Variants in CUBN observed in about 807,000 individuals in gnomAD.
CUBN encodes 460 kDa receptor.
A neutral mutation model predicts 405.3 loss-of-function variants in CUBN; 282 were observed. The observed-to-expected ratio is 0.70, with a 90% CI of 0.63 to 0.77. The LOEUF (loss-of-function observed/expected upper bound fraction) is 0.77, where lower values mean the gene tolerates loss of function less well. Ranked by LOEUF, CUBN falls within the 30% of genes least tolerant of loss-of-function variation. CUBN has a pLI of 0.00. For missense variants in CUBN, 4,514 were observed against 4,475.2 expected, an observed-to-expected ratio of 1.01 and a Z score of -0.25; for synonymous variants, 1,684 against 1,617.0, an observed-to-expected ratio of 1.04 and a Z score of -0.99.
chr10:16,990,706 A>C (rs1053603593), intron 28 of CUBN, among the ~76,000 whole-genome samples, 191 bp from the exon 29 acceptor site: 1 of 152,256 alleles, frequency 6.6e-6, no homozygotes, highest in African/African-American at 2.4e-5. Context: ...ACAACTTATT[A>C]AGTTTATCCT....
chr10:17,122,595 G>A (rs912799281), intron 6 of CUBN, 200 bp downstream of exon 6: 9 of 631,724 alleles, frequency 1.4e-5, no homozygotes, highest in Non-Finnish European at 2.7e-5. Context: ...TCTTCACGGG[G>A]TGAGAGTAAA....
At chr10:17,045,259 T>G in intron 24 of CUBN, 71 bp from the exon 25 acceptor site, 1 of 1,426,414 alleles carries the variant, frequency 7.0e-7, no homozygotes, top group Admixed American at 1.8e-5. Flanking sequence ...TTGTCTGCAT[T>G]AAACTGGTGC....
intron 41 of CUBN, among the ~76,000 whole-genome samples, chr10:16,926,493 G>C (rs1257897464): frequency 6.6e-6 from 1 of 152,104 alleles, no homozygotes; most frequent in Non-Finnish European, 1.5e-5. Context: ...GGAAGGACAG[G>C]AGCAGAGTGT....
chr10:17,025,287 A>G (rs1318441377), intron 27 of CUBN, among the ~76,000 whole-genome samples: 1 of 152,202 alleles, frequency 6.6e-6, no homozygotes, highest in Non-Finnish European at 1.5e-5. Context: ...GAGTGTCACT[A>G]ATAGAAGATT....
In CUBN at chr10:16,924,833, A is replaced by G. The variant is rs188736043; in HGVS notation, c.6646+408T>C. Among the ~76,000 whole-genome samples, 183 of 152,266 alleles carry G rather than the reference A, an allele frequency of 1.2e-3. 1 individual carries two copies. The highest frequency in any genetic ancestry group is 4.2e-3 in the African/African-American group (175 of 41,584). ...CAAAAAATTATGTGTTCTTTTGAAA[A>G]CAGCATACAAATTATTACAAAATAA... On this transcript the variant is annotated intron_variant, in intron 43 of 66. Coordinates refer to ENST00000377833, the MANE Select transcript of CUBN (RefSeq NM_001081.4).
In CUBN at chr10:16,954,561, A is replaced by T. The variant is rs1448819690; in HGVS notation, c.4696-13T>A. The T allele has an allele frequency of 6.2e-7, 1 of 1,612,726 alleles. No individual in the cohort carries two copies. On this transcript the variant is annotated splice_polypyrimidine_tract_variant and intron_variant, in intron 31 of 66. Transcript: ENST00000377833. ...AGCCATCGTATGCCTACAAGAAAGGAGACAGGGCAAACAGTGGTTCAGATT... is the reference window on the plus strand; with the variant it reads ...AGCCATCGTATGCCTACAAGAAAGGTGACAGGGCAAACAGTGGTTCAGATT...
At position 17,049,858 on chromosome 10, in the gene CUBN, A is replaced by G. The variant is rs78340863; in HGVS notation, c.3140-2255T>C. Among the ~76,000 whole-genome samples, 634 of 152,346 alleles carry G rather than the reference A, an allele frequency of 4.2e-3. 7 individuals carry two copies. The highest frequency in any genetic ancestry group is 0.015 in the African/African-American group (612 of 41,578). On this transcript the variant is annotated intron_variant, in intron 22 of 66. Coordinates refer to ENST00000377833, the MANE Select transcript of CUBN (RefSeq NM_001081.4). ...AAAATTTTATGCAAATAGCAATTTG[A>G]ACCCCAAACATATTTTGTAATTGTT... is the stretch of plus-strand genomic sequence containing the variant.
At chr10:16,872,192 A>G (rs184224382) in intron 58 of CUBN, among the ~76,000 whole-genome samples, 1 of 152,268 alleles carries the variant, frequency 6.6e-6, no homozygotes, top group Admixed American at 6.5e-5. Context: ...GTGAGCTGAG[A>G]TCACGCCACT....
In CUBN at chr10:16,918,610, A is replaced by T; in HGVS notation, c.7000+12T>A. 6.2e-7 allele frequency: 1 copy of T among 1,608,984 alleles called. No individual in the cohort carries two copies. The highest frequency in any genetic ancestry group is 8.5e-7 in the Non-Finnish European group (1 of 1,176,568). On this transcript the variant is annotated intron_variant, in intron 45 of 66. Coordinates refer to ENST00000377833, the MANE Select transcript of CUBN (RefSeq NM_001081.4). ...CCTGAACCTAAAATAAAAGTTTTAA[A>T]AAAATTATTACCTATAGAATACTTG...
intron 56 of CUBN, among the ~76,000 whole-genome samples, chr10:16,884,585 AAGTT>A (rs1840758461): frequency 6.6e-6 from 1 of 152,178 alleles, no homozygotes; most frequent in African/African-American, 2.4e-5. Context: ...AGTAATGAGA[AAGTT>A]AGAGAAATTT....
intron 17 of CUBN, among the ~76,000 whole-genome samples, chr10:17,076,482 CA>C (rs79168650): frequency 0.061 from 8,414 of 137,548 alleles, 283 homozygotes; most frequent in South Asian, 0.21. Context: ...GCACCCCCAC[CA>C]AAAAAAAAAA....
At chr10:17,062,667 T>C (rs1835527536) in intron 22 of CUBN, among the ~76,000 whole-genome samples, 1 of 152,184 alleles carries the variant, frequency 6.6e-6, no homozygotes, top group Admixed American at 6.5e-5. Flanking sequence ...CAAACACATA[T>C]TTTGGGGCTG....
intron 59 of CUBN, 43 bp downstream of exon 59, chr10:16,869,593 G>A (rs767864954): frequency 1.5e-6 from 2 of 1,357,188 alleles, no homozygotes; most frequent in African/African-American, 2.9e-5. Context: ...AAGCAGAAAG[G>A]TAACAGTCCT....
Position 16,906,405 on chromosome 10 carries a change from A to C in CUBN, c.7710T>G (p.Cys2570Trp). 6.2e-7 allele frequency: 1 copy of C among 1,611,020 alleles called. No individual in the cohort carries two copies. Among genetic ancestry groups the C allele is most frequent in the Non-Finnish European group, 8.5e-7 (1 of 1,177,196 alleles). ...ASYTSSEDAVCGGSLPNTPEG... is the reference protein window; with the variant it reads ...ASYTSSEDAVWGGSLPNTPEG... ...CAGGAGTATTTGGAAGAGACCCACC[A>C]CACACTAAGAAAACAGAAGGCAACA... The change falls in exon 50 of 67, where the codon TGT becomes TGG. Residue 2570 changes from cysteine to tryptophan, a missense_variant. By Grantham distance (215) the Cys-to-Trp change is radical. Transcript: ENST00000377833.
At chr10:16,908,713 AT>A (rs1377922922) in intron 48 of CUBN, among the ~76,000 whole-genome samples, 1 of 152,216 alleles carries the variant, frequency 6.6e-6, no homozygotes. Context: ...TTCAAAAAAA[AT>A]CTAGATGAAA....
chr10:16,922,321 G>A (rs986298202), intron 43 of CUBN, among the ~76,000 whole-genome samples: 1 of 152,040 alleles, frequency 6.6e-6, no homozygotes, highest in African/African-American at 2.4e-5. Context: ...ACTCAATCCT[G>A]TATTTATAAT....
intron 28 of CUBN, among the ~76,000 whole-genome samples, chr10:17,013,349 T>C (rs992671675): frequency 6.6e-6 from 1 of 151,904 alleles, no homozygotes; most frequent in African/African-American, 2.4e-5. Context: ...TCTGACTTTC[T>C]ATCTCTCTGT....
At chr10:16,948,432 A>C (rs1176268052) in intron 35 of CUBN, 46 bp downstream of exon 35, 1 of 1,611,946 alleles carries the variant, frequency 6.2e-7, no homozygotes, top group African/African-American at 1.3e-5. Context: ...AAGAATTTCT[A>C]CCACATCCCT....
intron 47 of CUBN, 102 bp from the exon 48 acceptor site, chr10:16,914,094 G>T (rs2131453957): frequency 2.5e-6 from 3 of 1,224,010 alleles, no homozygotes; most frequent in East Asian, 2.5e-5. Flanking sequence ...TATCCTTCTA[G>T]ATAAAATTAG....
Sources: allele counts gnomAD v4.1 joint callset (sites outside exome capture counted in the v4.1 genomes callset), GRCh38; gene constraint gnomAD v4.1.1; transcripts MANE v1.5; gene names NCBI Gene and HGNC (gene_info 2026-07-23, HGNC 2026-07-21).